ROBO1: variants seen among roughly 807,000 people sequenced by gnomAD.
ROBO1 encodes the protein roundabout guidance receptor 1, also known as roundabout homolog 1.
In ROBO1, 149 loss-of-function variants were observed where a neutral mutation model predicts 195.9. That is an observed-to-expected ratio of 0.76 (90% confidence interval 0.67 to 0.87). The LOEUF is 0.87. Among genes scored for constraint, ROBO1 ranks in the 40% least tolerant of loss-of-function variants. The pLI is 0.00. For missense variants in ROBO1, 1,933 were observed against 2,068.3 expected, an observed-to-expected ratio of 0.93 and a Z score of 1.27; for synonymous variants, 816 against 733.2, an observed-to-expected ratio of 1.11 and a Z score of -1.82.
chr3:78,960,833 CAA>C (rs1249556773), intron 3 of ROBO1, among the ~76,000 whole-genome samples: 75 of 123,960 alleles, frequency 6.1e-4, no homozygotes, highest in African/African-American at 1.2e-3. Context: ...CACACACACA[CAA>C]AATGAAAATG....
At chr3:78,990,622 T>A (rs2077215684) in intron 3 of ROBO1, among the ~76,000 whole-genome samples, 1 of 152,178 alleles carries the variant, frequency 6.6e-6, no homozygotes, top group African/African-American at 2.4e-5. Flanking sequence ...CTCTTTCAAA[T>A]CTACGTTTAG....
intron 17 of ROBO1, 74 bp downstream of exon 17, chr3:78,659,612 C>A (rs949379926): frequency 6.0e-6 from 7 of 1,174,864 alleles, no homozygotes; most frequent in Non-Finnish European, 7.7e-6. Context: ...AAACAAATAC[C>A]AGCCTGCTTT....
rs572710814 is a variant in ROBO1, at chr3:79,495,717, T to G, written c.88+94107A>C. On this transcript the variant is annotated intron_variant, in intron 2 of 30. Transcript: ENST00000464233. ...TTCTTCATAATCTTATATATTAATT[T>G]TAGAAGTACTATTGAAAATGAACAT... Among the ~76,000 whole-genome samples the G allele has an allele frequency of 3.9e-3, 600 of 152,326 alleles. 4 individuals are homozygous for G. Among genetic ancestry groups the G allele is most frequent in the South Asian group, 0.029 (142 of 4,830 alleles).
At chr3:79,730,023 C>T (rs1703080178) in intron 1 of ROBO1, among the ~76,000 whole-genome samples, 1 of 152,112 alleles carries the variant, frequency 6.6e-6, no homozygotes, top group Non-Finnish European at 1.5e-5. Flanking sequence ...AATTATATTG[C>T]AAATTAACAA....
intron 26 of ROBO1, among the ~76,000 whole-genome samples, chr3:78,623,336 A>C (rs2107449333): frequency 6.6e-6 from 1 of 152,264 alleles, no homozygotes; most frequent in South Asian, 2.1e-4. Context: ...GGAGAGGAGA[A>C]AATGGTGTTC....
chr3:79,311,706 G>C (rs2033493379), intron 2 of ROBO1, among the ~76,000 whole-genome samples: 2 of 152,022 alleles, frequency 1.3e-5, no homozygotes, highest in Admixed American at 1.3e-4. Context: ...CTAGCAACCT[G>C]TATTGTGTAT....
intron 2 of ROBO1, among the ~76,000 whole-genome samples, chr3:79,482,447 G>A (rs1266097273): frequency 6.6e-6 from 1 of 152,006 alleles, no homozygotes; most frequent in Non-Finnish European, 1.5e-5. Context: ...GTTTTATAAG[G>A]GTAAACCCCT....
At chr3:79,540,826 C>T (rs1012804524) in intron 2 of ROBO1, among the ~76,000 whole-genome samples, 6 of 152,134 alleles carry the variant, frequency 3.9e-5, no homozygotes, top group South Asian at 2.1e-4. Context: ...CTTAAGGCCA[C>T]GAAGATTGTC....
At chr3:78,954,820 T>C (rs934985765) in intron 3 of ROBO1, among the ~76,000 whole-genome samples, 2 of 152,082 alleles carry the variant, frequency 1.3e-5, no homozygotes, top group Admixed American at 6.6e-5. Context: ...TCTATTGAAG[T>C]GGCAACTTAA....
intron 8 of ROBO1, among the ~76,000 whole-genome samples, chr3:78,697,727 G>A (rs1036184485): frequency 6.6e-6 from 1 of 152,108 alleles, no homozygotes; most frequent in African/African-American, 2.4e-5. Flanking sequence ...AGTGCTTTCA[G>A]TGCTACGATT....
chr3:79,521,573 T>A (rs943309499), intron 2 of ROBO1, among the ~76,000 whole-genome samples: 3 of 152,160 alleles, frequency 2.0e-5, no homozygotes, highest in African/African-American at 7.2e-5. Context: ...TAAGTAACAC[T>A]ATCGAAAAAA....
At chr3:79,412,288 C>T (rs2037801154) in intron 2 of ROBO1, among the ~76,000 whole-genome samples, 1 of 152,148 alleles carries the variant, frequency 6.6e-6, no homozygotes, top group Admixed American at 6.6e-5. Context: ...GATAAGCTGA[C>T]AGTTTTCTCT....
intron 26 of ROBO1, among the ~76,000 whole-genome samples, chr3:78,623,681 T>C (rs186627126): frequency 5.1e-4 from 78 of 152,298 alleles, no homozygotes; most frequent in African/African-American, 1.9e-3. Context: ...ACAAGACCAC[T>C]TAGCAGAACA....
intron 4 of ROBO1, among the ~76,000 whole-genome samples, chr3:78,929,059 A>G (rs1382473893): frequency 6.6e-6 from 1 of 152,134 alleles, no homozygotes; most frequent in African/African-American, 2.4e-5. Flanking sequence ...AATTTACTGG[A>G]TAAGATTTAA....
rs138768491 is a variant in ROBO1 at position 79,167,264 on chromosome 3, T to C, written c.89-41725A>G. 2.0e-3 allele frequency among the ~76,000 whole-genome samples: 298 copies of C among 152,154 alleles called. 1 individual carries two copies. The highest frequency in any genetic ancestry group is 6.9e-3 in the African/African-American group (284 of 41,452). ...TTTTCTTGCAGTTAAAATTTTTGTG[T>C]TTTTTTGTTTACTCTTCACTATTTT... is the stretch of plus-strand genomic sequence containing the variant. On this transcript the variant is annotated intron_variant, in intron 2 of 30. Transcript: ENST00000464233.
intron 2 of ROBO1, among the ~76,000 whole-genome samples, chr3:79,562,231 C>CTTTGGTGGCTTTA (rs71277592): frequency 0.59 from 88,740 of 151,630 alleles, 27,774 homozygotes; most frequent in African/African-American, 0.83. Flanking sequence ...ATACAACTTA[C>CTTTGGTGGCTTTA]TTTTTCCTAA....
chr3:79,574,289 G>A (rs757952293), intron 2 of ROBO1, among the ~76,000 whole-genome samples: 4 of 151,722 alleles, frequency 2.6e-5, no homozygotes, highest in South Asian at 2.1e-4. Flanking sequence ...ACTGGATCAC[G>A]CGTTTACATA....
At chr3:79,536,992 C>T (rs568240017) in intron 2 of ROBO1, among the ~76,000 whole-genome samples, 36 of 151,824 alleles carry the variant, frequency 2.4e-4, no homozygotes, top group African/African-American at 6.3e-4. Context: ...ATAAACAAAC[C>T]GGCATGTGTA....
At chr3:79,112,803 A>G (rs1252649303) in intron 3 of ROBO1, among the ~76,000 whole-genome samples, 1 of 151,940 alleles carries the variant, frequency 6.6e-6, no homozygotes, top group Non-Finnish European at 1.5e-5. Flanking sequence ...TAGGAGATAT[A>G]CCTAATGGTA....
Sources: gnomAD v4.1 joint callset for allele counts (sites outside exome capture counted in the v4.1 genomes callset) on GRCh38, gnomAD v4.1.1 for gene constraint, MANE v1.5 for transcripts, NCBI Gene and HGNC (gene_info 2026-07-23, HGNC 2026-07-21) for gene names.